The following RAB44 variants were observed in gnomAD, a reference collection of about 807,000 sequenced individuals.
The protein encoded by RAB44 is ras-related protein Rab-44.
A neutral mutation model predicts 93.3 loss-of-function variants in RAB44; 67 were observed. The observed-to-expected ratio is 0.72, with a 90% confidence interval of 0.59 to 0.88. The LOEUF (loss-of-function observed/expected upper bound fraction) is 0.88. Among genes scored for constraint, RAB44 ranks in the 40% least tolerant of loss-of-function variants. The pLI, the probability that RAB44 is intolerant of heterozygous loss-of-function variation, is 0.00. For synonymous variants in RAB44, 427 were observed against 520.3 expected (o/e 0.82, Z 2.44); for missense variants, 1,064 against 1,261.7 (o/e 0.84, Z 2.37).
At chr6:36,705,703 T>C (rs1169647707) in intron 2 of RAB44, among the ~76,000 whole-genome samples, 1 of 152,074 alleles carries the variant, frequency 6.6e-6, no homozygotes, top group African/African-American at 2.4e-5. Flanking sequence ...TCTGTGATCA[T>C]AGATAATCTC....
chr6:36,702,204 C>T (rs1044785125), intron 1 of RAB44, among the ~76,000 whole-genome samples: 9 of 151,864 alleles, frequency 5.9e-5, no homozygotes, highest in African/African-American at 2.2e-4. Flanking sequence ...ACAGTCAGCC[C>T]TCACAAGCCC....
At position 36,715,102 on chromosome 6, in the gene RAB44, A is replaced by AATATATATATATATATATATATATAT. The variant is rs3046039; in HGVS notation, c.320-361_320-360insATATATATATATATATATATATATAT. On this transcript the variant is annotated intron_variant, in intron 3 of 13. Coordinates refer to ENST00000612677, the MANE Select transcript of RAB44 (RefSeq NM_001257357.2). ...TGGCTCACTTAGCAAGTTGGCTTAA[A>AATATATATATATATATATATATATAT]ATATATATATATATATTCTTTTCAA... Among the ~76,000 whole-genome samples, 77 of 148,270 alleles carry AATATATATATATATATATATATATAT rather than the reference A, an allele frequency of 5.2e-4. 1 individual carries two copies. The highest frequency in any genetic ancestry group is 1.9e-3 in the African/African-American group (73 of 38,850).
At chr6:36,730,772 C>CCCCCCCCCCCCCCCCCCCA in intron 13 of RAB44, 23 bp downstream of exon 13, 1 of 1,072,938 alleles carries the variant, frequency 9.3e-7, no homozygotes, top group Non-Finnish European at 1.2e-6. Flanking sequence ...CGCCCCCCGC[C>CCCCCCCCCCCCCCCCCCCA]GCCCCCACCC....
rs1171355538 is a variant in RAB44, at chr6:36,721,751, C to T, written c.1617C>T (p.Ser539=). ...GCCCTGGGTCTTGGGCTCCTCCCAG[C>T]GGGGCTCAGCCTGGGGCTGGAGCAG... ...DKGPGSWAPP[S]GAQPGAGAGP... The change falls in exon 9 of 14, where the codon AGC becomes AGT. Residue 539 remains serine (S), a synonymous_variant. Coordinates refer to ENST00000612677, the MANE Select transcript of RAB44 (RefSeq NM_001257357.2). The T allele has an allele frequency of 2.3e-5, 28 of 1,234,284 alleles. No homozygotes were observed. Among genetic ancestry groups the T allele is most frequent in the East Asian group, 6.3e-5 (2 of 31,696 alleles). The allele number at this position is 1,234,284 out of a possible 1,614,324, so 76.5% of individuals were successfully genotyped here. A position where few individuals can be genotyped will look rare whatever the true frequency, so the allele number is the denominator to read the frequency against.
chr6:36,714,578 T>C (rs1308183002), intron 3 of RAB44, among the ~76,000 whole-genome samples: 1 of 152,172 alleles, frequency 6.6e-6, no homozygotes, highest in Non-Finnish European at 1.5e-5. Context: ...GAATCTGCAT[T>C]TGCGCTTGGG....
chr6:36,718,134 C>T lies in RAB44; in HGVS notation c.732+16C>T. ...GCAGGCTGAGGTGGGCTCCCGCCGG[C>T]AGCCTGCCTCCTTCCCACTGCCCGG... On this transcript the variant is annotated intron_variant, in intron 6 of 13. Coordinates refer to ENST00000612677, the MANE Select transcript of RAB44 (RefSeq NM_001257357.2). 1 of 1,229,570 alleles carries T rather than the reference C, an allele frequency of 8.1e-7. No individual in the cohort carries two copies. The highest frequency in any genetic ancestry group is 1.0e-6 in the Non-Finnish European group (1 of 985,562). The allele number at this position is 1,229,570 out of a possible 1,614,324, so 76.2% of individuals were successfully genotyped here.
chr6:36,706,392 C>T (rs766813503), intron 2 of RAB44, among the ~76,000 whole-genome samples: 6 of 152,230 alleles, frequency 3.9e-5, no homozygotes, highest in Non-Finnish European at 7.3e-5. Flanking sequence ...ATTCTCTTCA[C>T]CAGATGTCAC....
Position 36,727,708 on chromosome 6 carries a change from TGG to T in RAB44, c.2796+20_2796+21del. On this transcript the variant is annotated intron_variant, in intron 11 of 13. Transcript: ENST00000612677. ...TGTCTCCAGGTGAGCAGATGGCTGC[TGG>T]GGTTGGCCCCAGTCCCTCCAGTCAA... 1 of 1,523,028 alleles carries T rather than the reference TGG, an allele frequency of 6.6e-7. No individual in the cohort carries two copies. The highest frequency in any genetic ancestry group is 8.9e-7 in the Non-Finnish European group (1 of 1,121,984). 94.3% of individuals were successfully genotyped at this position (1,523,028 alleles called of 1,614,324 possible). A position where few individuals can be genotyped will look rare whatever the true frequency, so the allele number is the denominator to read the frequency against.
In RAB44 at chr6:36,709,477, C is replaced by T. The variant is rs117238792; in HGVS notation, c.208-4351C>T. 6.0e-3 allele frequency among the ~76,000 whole-genome samples: 907 copies of T among 152,292 alleles called. 9 individuals are homozygous for T. The highest frequency in any genetic ancestry group is 0.048 in the Middle Eastern group (14 of 294). ...TCACACAACAGTGCATCCCATTTTC[C>T]TTGCAGACAAAGTTTTGTTTGTCTG... On this transcript the variant is annotated intron_variant, in intron 2 of 13. Transcript: ENST00000612677.
intron 2 of RAB44, among the ~76,000 whole-genome samples, chr6:36,705,330 G>A (rs74541929): frequency 0.064 from 9,776 of 151,628 alleles, 808 homozygotes; most frequent in African/African-American, 0.19. Flanking sequence ...GGTAAACAAT[G>A]TGTTGTGCTA....
Position 36,722,035 on chromosome 6 carries a change from AG to A in RAB44, c.1904del (p.Gly635AlafsTer15), listed in dbSNP as rs1763099281. ...VGPVPTERLEQGQAGPAVQEG... is the reference protein window; with the variant it reads ...VGPVPTERLEXGQAGPAVQEG... ...CCGGTGCCCACAGAGAGGCTGGAGCAGGGCCAGGCGGGCCCAGCGGTGCAGG... is the reference window on the plus strand; with the variant it reads ...CCGGTGCCCACAGAGAGGCTGGAGCAGGCCAGGCGGGCCCAGCGGTGCAGG... On this transcript the variant is annotated frameshift_variant, in exon 9 of 14. Transcript: ENST00000612677. LOFTEE classifies it high-confidence loss of function. The A allele has an allele frequency of 4.1e-6, 5 of 1,228,984 alleles. No homozygotes were observed. The South Asian group carries it at 2.0e-4, about 50-fold the overall frequency. 76.1% of individuals were successfully genotyped at this position (1,228,984 alleles called of 1,614,324 possible). A position where few individuals can be genotyped will look rare whatever the true frequency, so the allele number is the denominator to read the frequency against.
At chr6:36,724,139 T>TTTTATTTATTTATTTATTTA (rs35704587) in intron 9 of RAB44, among the ~76,000 whole-genome samples, 1 of 146,390 alleles carries the variant, frequency 6.8e-6, no homozygotes, top group African/African-American at 2.6e-5. Context: ...CATTATTTTA[T>TTTTATTTATTTATTTATTTA]TTTATTTATT....
At chr6:36,726,724 T>TA in intron 10 of RAB44, among the ~76,000 whole-genome samples, 1 of 151,646 alleles carries the variant, frequency 6.6e-6, no homozygotes, top group Non-Finnish European at 1.5e-5. Flanking sequence ...ACCAGTTAAA[T>TA]AAAGGAGGGT....
chr6:36,700,570 G>A (rs1762485877), intron 1 of RAB44, among the ~76,000 whole-genome samples: 1 of 151,724 alleles, frequency 6.6e-6, no homozygotes, highest in Non-Finnish European at 1.5e-5. Flanking sequence ...CTCCCAAGTA[G>A]CTAGGACTAC....
chr6:36,714,976 T>G (rs1393100758), intron 3 of RAB44, among the ~76,000 whole-genome samples: 12 of 152,156 alleles, frequency 7.9e-5, no homozygotes. Flanking sequence ...TTCTTGTAAT[T>G]CACATCTCAG....
At chr6:36,726,009 G>C in intron 10 of RAB44, 66 bp downstream of exon 10, 1 of 1,278,556 alleles carries the variant, frequency 7.8e-7, no homozygotes, top group Admixed American at 2.0e-5. Context: ...GAGGGACAGG[G>C]AGCAGCCCTA....
chr6:36,710,555 T>A (rs1034331727), intron 2 of RAB44, among the ~76,000 whole-genome samples: 3 of 152,070 alleles, frequency 2.0e-5, no homozygotes, highest in South Asian at 4.2e-4. Context: ...AACTTTTTTT[T>A]TTTTTTAATT....
intron 2 of RAB44, among the ~76,000 whole-genome samples, chr6:36,708,410 A>G (rs1182883170): frequency 6.6e-6 from 1 of 152,158 alleles, no homozygotes; most frequent in African/African-American, 2.4e-5. Context: ...GTGTTGAAGT[A>G]TTTAAAACAT....
At chr6:36,725,974 A>T (rs1231004997) in intron 10 of RAB44, 31 bp downstream of exon 10, 1 of 1,522,236 alleles carries the variant, frequency 6.6e-7, no homozygotes, top group African/African-American at 1.4e-5. Flanking sequence ...GTGTGTCAGG[A>T]ACCTAGGCTG....
Sources: gnomAD v4.1 joint callset for allele counts (sites outside exome capture counted in the v4.1 genomes callset) on GRCh38, gnomAD v4.1.1 for gene constraint, MANE v1.5 for transcripts, NCBI Gene and HGNC (gene_info 2026-07-23, HGNC 2026-07-21) for gene names.